The following LRRC4C variants were observed in gnomAD, a reference collection of about 807,000 sequenced individuals.
LRRC4C encodes the protein leucine-rich repeat-containing protein 4C.
A neutral mutation model predicts 33.6 loss-of-function variants in LRRC4C; 5 were observed. The ratio of observed to expected loss-of-function variants is 0.15; its 90% CI spans 0.08 to 0.31. The LOEUF (loss-of-function observed/expected upper bound fraction) is 0.31. Among genes scored for constraint, LRRC4C ranks in the 10% least tolerant of loss-of-function variants. The pLI, the probability that LRRC4C is intolerant of heterozygous loss-of-function variation, is 1.00. For missense variants in LRRC4C, 560 were observed against 796.7 expected (o/e 0.70, Z 3.58); for synonymous variants, 329 against 302.0 (o/e 1.09, Z -0.93).
intron 4 of LRRC4C, among the ~76,000 whole-genome samples, chr11:40,270,537 C>T (rs1028498656): frequency 4.6e-5 from 7 of 151,988 alleles, no homozygotes; most frequent in African/African-American, 1.7e-4. Context: ...GTGATCAGGA[C>T]CTCAACCTAT....
chr11:40,767,222 G>A (rs1269067984), intron 2 of LRRC4C, among the ~76,000 whole-genome samples: 3 of 151,886 alleles, frequency 2.0e-5, no homozygotes, highest in Non-Finnish European at 4.4e-5. Context: ...CTATAAAAAA[G>A]ACAAAGGAGG....
In LRRC4C at chr11:41,210,966, C is replaced by T. The variant is rs542568030; in HGVS notation, c.-496+248465G>A. 1.4e-3 allele frequency among the ~76,000 whole-genome samples: 220 copies of T among 152,236 alleles called. 2 individuals carry two copies. The highest frequency in any genetic ancestry group is 5.0e-3 in the African/African-American group (209 of 41,550). ...CTAGATCCCTCACATATGCAGTTCA[C>T]AGTACGGTTGGCCCTCCTATAAGAA... On this transcript the variant is annotated intron_variant, in intron 1 of 6. Transcript: ENST00000528697.
intron 5 of LRRC4C, among the ~76,000 whole-genome samples, chr11:40,235,048 G>A (rs1196338800): frequency 6.6e-6 from 1 of 152,128 alleles, no homozygotes; most frequent in East Asian, 1.9e-4. Flanking sequence ...CCTGATTGCA[G>A]CACTTTTGTT....
chr11:40,600,692 A>G (rs982249485), intron 3 of LRRC4C, among the ~76,000 whole-genome samples: 1 of 152,190 alleles, frequency 6.6e-6, no homozygotes, highest in Non-Finnish European at 1.5e-5. Context: ...ATCTATTTGT[A>G]TTCTCCAGGA....
chr11:40,207,165 G>A (rs536088351), intron 5 of LRRC4C, among the ~76,000 whole-genome samples: 2 of 152,244 alleles, frequency 1.3e-5, no homozygotes, highest in South Asian at 4.1e-4. Context: ...TAGCTGAAAT[G>A]GCATTTTTTC....
intron 2 of LRRC4C, among the ~76,000 whole-genome samples, chr11:40,866,123 C>A (rs1954355342): frequency 7.0e-6 from 1 of 142,902 alleles, no homozygotes; most frequent in African/African-American, 2.6e-5. Context: ...CGATCAATAA[C>A]AGAGCAGCCC....
At chr11:40,361,776 T>C (rs1947962880) in intron 3 of LRRC4C, among the ~76,000 whole-genome samples, 1 of 152,170 alleles carries the variant, frequency 6.6e-6, no homozygotes, top group African/African-American at 2.4e-5. Context: ...TAAATTCAGA[T>C]GAACCCAAAA....
intron 1 of LRRC4C, among the ~76,000 whole-genome samples, chr11:41,301,467 C>G (rs1950286419): frequency 6.6e-6 from 1 of 152,078 alleles, no homozygotes; most frequent in East Asian, 1.9e-4. Context: ...ATTTAAATTG[C>G]CTTGCAAGTT....
chr11:40,313,696 C>G (rs1418881275), intron 4 of LRRC4C, among the ~76,000 whole-genome samples: 1 of 140,258 alleles, frequency 7.1e-6, no homozygotes, highest in East Asian at 2.2e-4. Flanking sequence ...CAAGCTCCAC[C>G]TTCCGGGTTC....
In LRRC4C at chr11:41,045,567, C is replaced by A. The variant is rs1312396289; in HGVS notation, c.-495-111844G>T. 2.0e-5 allele frequency among the ~76,000 whole-genome samples: 3 copies of A among 152,032 alleles called. No homozygotes were observed. In the South Asian group the frequency reaches 6.2e-4, roughly 32 times the overall value. ...TGCTGACTTCAAGTAAGGATATGTG[C>A]TCTTTTGGTGTTGAACATATGAGAT... is the stretch of plus-strand genomic sequence containing the variant. On this transcript the variant is annotated intron_variant, in intron 1 of 6. Transcript: ENST00000528697.
chr11:41,301,154 G>A (rs1950275782), intron 1 of LRRC4C, among the ~76,000 whole-genome samples: 1 of 152,140 alleles, frequency 6.6e-6, no homozygotes, highest in African/African-American at 2.4e-5. Context: ...ATTTGCTGCT[G>A]TGCTTTAGTA....
chr11:40,375,058 G>A (rs1289623809), intron 3 of LRRC4C, among the ~76,000 whole-genome samples: 1 of 152,038 alleles, frequency 6.6e-6, no homozygotes, highest in African/African-American at 2.4e-5. Context: ...ATCATCCAGT[G>A]GAACAAAATT....
At chr11:41,318,908 A>G (rs1950873353) in intron 1 of LRRC4C, among the ~76,000 whole-genome samples, 1 of 152,226 alleles carries the variant, frequency 6.6e-6, no homozygotes. Flanking sequence ...ATTTTTTCAC[A>G]CTACCTTAAT....
In LRRC4C at chr11:41,111,372, A is replaced by C. The variant is rs537971325; in HGVS notation, c.-495-177649T>G. On this transcript the variant is annotated intron_variant, in intron 1 of 6. Coordinates refer to ENST00000528697, the MANE Select transcript of LRRC4C (RefSeq NM_001258419.2). ...GGCAGACACAGGCAGCAGTGTTCCTAGCCCAGGGACAGAATCAATCTTATT... is the reference window on the plus strand; with the variant it reads ...GGCAGACACAGGCAGCAGTGTTCCTCGCCCAGGGACAGAATCAATCTTATT... 2.0e-4 allele frequency among the ~76,000 whole-genome samples: 30 copies of C among 152,188 alleles called. 1 individual carries two copies. The highest frequency in any genetic ancestry group is 1.9e-3 in the Admixed American group (29 of 15,262).
At chr11:40,535,292 T>C (rs754756785) in intron 3 of LRRC4C, among the ~76,000 whole-genome samples, 1 of 152,202 alleles carries the variant, frequency 6.6e-6, no homozygotes, top group Non-Finnish European at 1.5e-5. Flanking sequence ...GCATTCGATC[T>C]GCAATTTTTA....
rs756876383 is a variant in LRRC4C, at chr11:40,608,995, C to T, written c.-270+39147G>A. Reference sequence around the variant, plus strand: ...ATCATAGTAGGAGACTTCAATATCCCGCTTTCAGTAATTGATAGAACATCC... The same window carrying T: ...ATCATAGTAGGAGACTTCAATATCCTGCTTTCAGTAATTGATAGAACATCC... On this transcript the variant is annotated intron_variant, in intron 3 of 6. Coordinates refer to ENST00000528697, the MANE Select transcript of LRRC4C (RefSeq NM_001258419.2). Among the ~76,000 whole-genome samples, 11 of 152,124 alleles carry T rather than the reference C, an allele frequency of 7.2e-5. No homozygotes were observed. In the East Asian group the frequency reaches 7.7e-4, roughly 11 times the overall value.
At chr11:41,214,777 ACACATAT>A (rs1265363430) in intron 1 of LRRC4C, among the ~76,000 whole-genome samples, 4 of 143,702 alleles carry the variant, frequency 2.8e-5, no homozygotes, top group African/African-American at 1.1e-4. Flanking sequence ...ATATATATAC[ACACATAT>A]ATATATGTGT....
chr11:41,365,990 G>C (rs1472400161), intron 1 of LRRC4C, among the ~76,000 whole-genome samples: 24 of 152,154 alleles, frequency 1.6e-4, no homozygotes, highest in Non-Finnish European at 4.4e-5. Context: ...GATTCAGTGA[G>C]ACAATATATG....
At chr11:41,201,507 C>A (rs912474950) in intron 1 of LRRC4C, among the ~76,000 whole-genome samples, 1 of 152,124 alleles carries the variant, frequency 6.6e-6, no homozygotes, top group African/African-American at 2.4e-5. Context: ...ACTACTAGAA[C>A]AGAGTCTTTA....
Sources: gnomAD v4.1 joint callset for allele counts (sites outside exome capture counted in the v4.1 genomes callset) on GRCh38, gnomAD v4.1.1 for gene constraint, MANE v1.5 for transcripts, NCBI Gene and HGNC (gene_info 2026-07-23, HGNC 2026-07-21) for gene names.